The following TMC5 variants were observed in gnomAD, a reference collection of about 807,000 sequenced individuals.
TMC5 encodes the protein transmembrane channel-like protein 5.
TMC5 carries 86 observed loss-of-function variants against 110.5 expected under a neutral mutation model. The observed-to-expected ratio is 0.78, with a 90% CI of 0.65 to 0.93. The LOEUF (loss-of-function observed/expected upper bound fraction) is 0.93, where lower values mean the gene tolerates loss of function less well. Ranked by LOEUF, TMC5 falls within the 40% of genes least tolerant of loss-of-function variation. The probability of loss-of-function intolerance (pLI) is 0.00; values close to 1 mark genes in which losing one functional copy is unlikely to be tolerated. For synonymous variants in TMC5, 455 were observed against 439.5 expected, an observed-to-expected ratio of 1.04 and a Z score of -0.44; for missense variants, 1,144 against 1,222.8, an observed-to-expected ratio of 0.94 and a Z score of 0.96.
intron 12 of TMC5, chr16:19,476,818 C>T (rs1319126813): frequency 6.5e-6 from 1 of 153,360 alleles, no homozygotes; most frequent in Non-Finnish European, 1.5e-5. Flanking sequence ...GCAGGAGGGA[C>T]CTTCTTATGT....
chr16:19,456,609 CT>C (rs1251666421), intron 5 of TMC5: 2 of 1,511,250 alleles, frequency 1.3e-6, no homozygotes, highest in South Asian at 1.4e-5. Context: ...ATCATCATCA[CT>C]TTTTCCCTGC....
chr16:19,475,489 C>T (rs573632429), intron 12 of TMC5, among the ~76,000 whole-genome samples: 1 of 152,246 alleles, frequency 6.6e-6, no homozygotes, highest in South Asian at 2.1e-4. Context: ...GTTCCAGAGC[C>T]CTTGCCTTAC....
chr16:19,414,181 T>A (rs1392689941), upstream of TMC5, among the ~76,000 whole-genome samples: 1 of 151,822 alleles, frequency 6.6e-6, no homozygotes, highest in Non-Finnish European at 1.5e-5. Context: ...ATCATCAGCC[T>A]CTATCTAGGG....
At chr16:19,455,125 A>C (rs1967834910) in intron 5 of TMC5, among the ~76,000 whole-genome samples, 1 of 152,068 alleles carries the variant, frequency 6.6e-6, no homozygotes, top group Non-Finnish European at 1.5e-5. Flanking sequence ...ACAGAGCAAG[A>C]CCTCATCTCT....
upstream of TMC5, among the ~76,000 whole-genome samples, chr16:19,414,854 T>A (rs912163945): frequency 1.3e-5 from 2 of 151,824 alleles, no homozygotes; most frequent in Non-Finnish European, 2.9e-5. Context: ...GAGACCAGCC[T>A]AGGCAACATA....
At chr16:19,411,289 G>A (rs890073117) in intron 1 of TMC5, 5 of 152,302 alleles carry the variant, frequency 3.3e-5, no homozygotes, top group Non-Finnish European at 5.9e-5. Flanking sequence ...CTGGGCTCCA[G>A]TTTCCACACC....
At position 19,440,144 on chromosome 16, in the gene TMC5, C is replaced by G; in HGVS notation, c.106C>G (p.Pro36Ala). 6 of 1,614,130 alleles carry G rather than the reference C, an allele frequency of 3.7e-6. No homozygotes were observed. Among genetic ancestry groups the G allele is most frequent in the Non-Finnish European group, 2.5e-6 (3 of 1,180,030 alleles). The change falls in exon 3 of 22, where the codon CCA (proline) becomes GCA (alanine). Residue 36 changes from proline to alanine, a missense_variant. By Grantham distance (27) the Pro-to-Ala change is conservative. Coordinates refer to ENST00000542583, the MANE Select transcript of TMC5 (RefSeq NM_001261841.2). ...GGGGTATTTGAAAACTCAAGGTTAT[C>G]CAGATGTTCCAGGTCCTCTGAACAA... ...TQGYLKTQGY[P>A]DVPGPLNNPD...
intron 4 of TMC5, among the ~76,000 whole-genome samples, chr16:19,447,792 G>A (rs1293679814): frequency 6.6e-6 from 1 of 151,820 alleles, no homozygotes; most frequent in East Asian, 1.9e-4. Flanking sequence ...GTGCTCAAGC[G>A]ACTGTCCCAC....
intron 8 of TMC5, among the ~76,000 whole-genome samples, chr16:19,465,819 T>C (rs1968173642): frequency 6.6e-6 from 1 of 152,218 alleles, no homozygotes; most frequent in Non-Finnish European, 1.5e-5. Context: ...GCTGTCGTGT[T>C]CTTGCTGATG....
At chr16:19,454,118 G>C (rs1214464067) in intron 5 of TMC5, among the ~76,000 whole-genome samples, 1 of 152,068 alleles carries the variant, frequency 6.6e-6, no homozygotes, top group South Asian at 2.1e-4. Flanking sequence ...AGTGACCTCG[G>C]CTCACTGCAA....
At chr16:19,462,464 T>A (rs1481968970) in intron 6 of TMC5, 1 of 698,394 alleles carries the variant, frequency 1.4e-6, no homozygotes, top group Non-Finnish European at 2.6e-6. Context: ...GGGTGATTTA[T>A]AAAGGAAAGA....
Position 19,494,437 on chromosome 16 carries a change from A to T in TMC5, c.2931+71A>T, listed in dbSNP as rs528734032. 3.1e-6 allele frequency: 3 copies of T among 977,086 alleles called. No individual in the cohort carries two copies. In the Admixed American group the frequency reaches 6.2e-5, roughly 20 times the overall value. The allele number at this position is 977,086 out of a possible 1,614,324, so 60.5% of individuals were successfully genotyped here. A position where few individuals can be genotyped will look rare whatever the true frequency, so the allele number is the denominator to read the frequency against. ...CTCCATGTAAAAAGCGCGTCAGAGA[A>T]CTACAGACCAAGCTCTTGGGATCAT... On this transcript the variant is annotated intron_variant, in intron 20 of 21. Transcript: ENST00000542583.
chr16:19,457,709 C>CTTTTTGTTT (rs1967916565), intron 5 of TMC5, among the ~76,000 whole-genome samples: 1 of 43,906 alleles, frequency 2.3e-5, no homozygotes, highest in Non-Finnish European at 5.3e-5. Context: ...AGACTACATT[C>CTTTTTGTTT]TTTTTTTTTT....
chr16:19,464,092 G>A (rs138294241), intron 8 of TMC5, 68 bp downstream of exon 8: 46 of 1,546,648 alleles, frequency 3.0e-5, no homozygotes, highest in African/African-American at 5.5e-5. Context: ...GTGCCTTGCC[G>A]GTCACCCACT....
rs1969114422 is a variant in TMC5, at chr16:19,498,610, A to G, written c.*644A>G. 2.8e-5 allele frequency: 1 copy of G among 35,372 alleles called. No individual in the cohort carries two copies. The highest frequency in any genetic ancestry group is 1.2e-3 in the South Asian group (1 of 820). 2.2% of individuals were successfully genotyped at this position (35,372 alleles called of 1,614,324 possible). A position where few individuals can be genotyped will look rare whatever the true frequency, so the allele number is the denominator to read the frequency against. On this transcript the variant is annotated 3_prime_UTR_variant, in exon 22 of 22. Transcript: ENST00000542583. ...GACCATCAAAGTCCTACGTCAAGCT[A>G]GCTTTGCAGTGGCAGTACCGTAGCC... is the stretch of plus-strand genomic sequence containing the variant.
Position 19,497,180 on chromosome 16 carries a change from G to C in TMC5, c.2974+17G>C. The C allele has an allele frequency of 6.2e-7, 1 of 1,610,320 alleles. No individual in the cohort carries two copies. Among genetic ancestry groups the C allele is most frequent in the Non-Finnish European group, 8.5e-7 (1 of 1,176,838 alleles). On this transcript the variant is annotated intron_variant, in intron 21 of 21. Transcript: ENST00000542583. ...GCAGTCTTGGTGAGTAATTAAACTG[G>C]GACAGAATAAGACACTAATTTATTT...
Position 19,497,988 on chromosome 16 carries a change from A to G in TMC5, c.*22A>G. On this transcript the variant is annotated 3_prime_UTR_variant, in exon 22 of 22. Transcript: ENST00000542583. ...CTGATGACTCTTTTGGTAACCAGACACCAATCAAATAAGGGGAGGAGACGA... is the reference window on the plus strand; with the variant it reads ...CTGATGACTCTTTTGGTAACCAGACGCCAATCAAATAAGGGGAGGAGACGA... 2 of 1,610,696 alleles carry G rather than the reference A, an allele frequency of 1.2e-6. No homozygotes were observed. The highest frequency in any genetic ancestry group is 1.7e-6 in the Non-Finnish European group (2 of 1,176,962).
chr16:19,453,445 T>A (rs895851110), intron 5 of TMC5, among the ~76,000 whole-genome samples: 1 of 151,952 alleles, frequency 6.6e-6, no homozygotes, highest in African/African-American at 2.4e-5. Context: ...AAAAGTTAGC[T>A]GGGCATGGTG....
intron 2 of TMC5, among the ~76,000 whole-genome samples, chr16:19,439,610 T>C (rs976146489): frequency 1.3e-5 from 2 of 152,208 alleles, no homozygotes; most frequent in East Asian, 1.9e-4. Flanking sequence ...CTTTCCTCTG[T>C]TGTGCATTTA....
Sources: gnomAD v4.1 joint callset for allele counts (sites outside exome capture counted in the v4.1 genomes callset) on GRCh38, gnomAD v4.1.1 for gene constraint, MANE v1.5 for transcripts, NCBI Gene and HGNC (gene_info 2026-07-23, HGNC 2026-07-21) for gene names.